MORN1: variants seen among roughly 807,000 people sequenced by gnomAD.
The protein encoded by MORN1 is MORN repeat containing 1, also known as MORN repeat-containing protein 1.
Under a neutral mutation model 61.9 loss-of-function variants are expected in MORN1, and 67 were observed. That is an observed-to-expected ratio of 1.08 (90% CI 0.89 to 1.33). The LOEUF (loss-of-function observed/expected upper bound fraction) is 1.33, where lower values mean the gene tolerates loss of function less well. Among genes scored for constraint, MORN1 ranks in the 40% most tolerant of loss-of-function variants. MORN1 has a pLI of 0.00. For synonymous variants in MORN1, 301 were observed against 292.0 expected (o/e 1.03, Z -0.31); for missense variants, 752 against 691.2 (o/e 1.09, Z -0.99).
rs1641312721 is a variant in MORN1 at position 2,337,873 on chromosome 1, C to T, written c.1037-1023G>A. On this transcript the variant is annotated intron_variant, in intron 10 of 13. Coordinates refer to ENST00000378531, the MANE Select transcript of MORN1 (RefSeq NM_024848.3). This position sits in a 1 kb window ranked among gnomAD's most constrained non-coding sequence, Gnocchi z 5.7. ...TAGGGCCACAGATGAGTGTCCCCACCAGGCAGTGACACCATCAAAAAAACA... is the reference window on the plus strand; with the variant it reads ...TAGGGCCACAGATGAGTGTCCCCACTAGGCAGTGACACCATCAAAAAAACA... Among the ~76,000 whole-genome samples, 1 of 152,162 alleles carries T rather than the reference C, an allele frequency of 6.6e-6. No individual in the cohort carries two copies. Among genetic ancestry groups the T allele is most frequent in the South Asian group, 2.1e-4 (1 of 4,830 alleles).
intron 10 of MORN1, among the ~76,000 whole-genome samples, chr1:2,339,504 C>G (rs546274943): frequency 9.8e-5 from 15 of 152,304 alleles, no homozygotes; most frequent in Non-Finnish European, 1.6e-4. Flanking sequence ...TGGGGGTCAG[C>G]CTCGTTGCCC....
intron 2 of MORN1, among the ~76,000 whole-genome samples, chr1:2,389,113 C>CAAA (rs549291051): frequency 8.8e-6 from 1 of 113,006 alleles, no homozygotes; most frequent in Non-Finnish European, 1.8e-5. Context: ...ACTCTGTCTC[C>CAAA]AAAAAAAAAA....
At chr1:2,332,477 A>T in intron 12 of MORN1, 1 of 384,364 alleles carries the variant, frequency 2.6e-6, no homozygotes, top group Non-Finnish European at 5.3e-6. Flanking sequence ...TGCTTCTCCC[A>T]TTGTCCCCCT....
chr1:2,340,667 C>T (rs370637716), intron 10 of MORN1, among the ~76,000 whole-genome samples: 7 of 152,234 alleles, frequency 4.6e-5, no homozygotes, highest in East Asian at 1.9e-4. Flanking sequence ...ACCGGCTCCA[C>T]GTGGCCAGAG....
chr1:2,331,812 C>CCGCTGCGCCTCTCCCTCGTGCGG (rs1557868413), intron 12 of MORN1, among the ~76,000 whole-genome samples: 1 of 149,942 alleles, frequency 6.7e-6, no homozygotes, highest in Non-Finnish European at 1.5e-5. Flanking sequence ...CGCGGCTGCG[C>CCGCTGCGCCTCTCCCTCGTGCGG]CTCTCCCGCC....
intron 6 of MORN1, among the ~76,000 whole-genome samples, chr1:2,383,900 CAGG>C (rs1219214119): frequency 6.6e-6 from 1 of 152,228 alleles, no homozygotes; most frequent in Non-Finnish European, 1.5e-5. Flanking sequence ...TCCCACCAGC[CAGG>C]AGCTCAGGCC....
intron 12 of MORN1, among the ~76,000 whole-genome samples, chr1:2,336,024 C>T (rs1196524557): frequency 6.6e-6 from 1 of 152,168 alleles, no homozygotes; most frequent in African/African-American, 2.4e-5. Context: ...ACAAACCCCC[C>T]ACGGTGTCCC....
At position 2,352,787 on chromosome 1, in the gene MORN1, C is replaced by T. The variant is rs141980884; in HGVS notation, c.1036+4645G>A. Reference sequence around the variant, plus strand: ...TTTTCTGGCCCAAGTTTCTTTCAGGCCTCATGTTGGATTATCTTCTGGCCT... The same window carrying T: ...TTTTCTGGCCCAAGTTTCTTTCAGGTCTCATGTTGGATTATCTTCTGGCCT... On this transcript the variant is annotated intron_variant, in intron 10 of 13. Coordinates refer to ENST00000378531, the MANE Select transcript of MORN1 (RefSeq NM_024848.3). The T allele has an allele frequency of 1.8e-4, 28 of 152,338 alleles. No individual in the cohort carries two copies. The East Asian group carries it at 3.1e-3, about 17-fold the overall frequency. 9.4% of individuals were successfully genotyped at this position (152,338 alleles called of 1,614,324 possible).
chr1:2,353,667 G>T (rs1226540638), intron 10 of MORN1, among the ~76,000 whole-genome samples: 1 of 152,240 alleles, frequency 6.6e-6, no homozygotes, highest in Non-Finnish European at 1.5e-5. Context: ...CCTCTGCAGG[G>T]CTCCTGGCCG....
At chr1:2,385,178 A>C in intron 5 of MORN1, 113 bp from the exon 6 acceptor site, 6 of 1,097,710 alleles carry the variant, frequency 5.5e-6, no homozygotes, top group Non-Finnish European at 7.9e-6. Context: ...CGAGGCAAAA[A>C]TAGGCCCGAG....
At chr1:2,368,384 T>G (rs536242119) in intron 8 of MORN1, among the ~76,000 whole-genome samples, 1 of 152,224 alleles carries the variant, frequency 6.6e-6, no homozygotes, top group African/African-American at 2.4e-5. Context: ...CACTTTTAAC[T>G]GCGTGCAGAT....
In MORN1 at chr1:2,331,822, C is replaced by G. The variant is rs9793021; in HGVS notation, c.1250+4647G>C. 3.2e-4 allele frequency among the ~76,000 whole-genome samples: 48 copies of G among 150,486 alleles called. No homozygotes were observed. The South Asian group carries it at 3.8e-3, about 12-fold the overall frequency. On this transcript the variant is annotated intron_variant, in intron 12 of 13. Coordinates refer to ENST00000378531, the MANE Select transcript of MORN1 (RefSeq NM_024848.3). ...TCTCCCGCGGCTGCGCCTCTCCCGC[C>G]GCTGCGCCTCTCCCTCGTGCGGCTC... is the stretch of plus-strand genomic sequence containing the variant.
chr1:2,321,900 G>T, intron 13 of MORN1: 1 of 576,964 alleles, frequency 1.7e-6, no homozygotes, highest in Non-Finnish European at 2.2e-6. Flanking sequence ...CATGGTGGCC[G>T]CTCTCAAGCC....
intron 10 of MORN1, among the ~76,000 whole-genome samples, chr1:2,340,883 G>A (rs902882822): frequency 2.6e-5 from 4 of 152,136 alleles, no homozygotes; most frequent in Non-Finnish European, 4.4e-5. Flanking sequence ...ACCTGTGGCC[G>A]CCACACAGAC....
intron 10 of MORN1, among the ~76,000 whole-genome samples, chr1:2,348,607 G>T (rs562041277): frequency 6.9e-6 from 1 of 145,168 alleles, no homozygotes; most frequent in African/African-American, 2.4e-5. Flanking sequence ...GCACATACGT[G>T]CACCTAGGCA....
chr1:2,322,740 T>C (rs1640910288), intron 13 of MORN1: 1 of 985,322 alleles, frequency 1.0e-6, no homozygotes, highest in Non-Finnish European at 1.2e-6. Context: ...GGAATCCAGC[T>C]ATACCAGTGG....
chr1:2,388,255 C>A lies in MORN1; in HGVS notation c.231G>T (p.Arg77=). 1.9e-6 allele frequency: 3 copies of A among 1,613,736 alleles called. No homozygotes were observed. Among genetic ancestry groups the A allele is most frequent in the Non-Finnish European group, 2.5e-6 (3 of 1,179,906 alleles). The change falls in exon 3 of 14, where the codon CGG becomes CGT. Residue 77 remains arginine, a synonymous_variant. Coordinates refer to ENST00000378531, the MANE Select transcript of MORN1 (RefSeq NM_024848.3). ...AGAGCTCACCTGACCAGGCCCAGTG[C>A]CGGCGGCCTTCTCCCGTGATCTCTC... ...VDGEITGEGR[R]HWAWSGDTFS...
chr1:2,327,239 C>CAAACACAGAG (rs1641050653), intron 12 of MORN1, among the ~76,000 whole-genome samples: 2 of 57,180 alleles, frequency 3.5e-5, no homozygotes, highest in Non-Finnish European at 9.2e-5. Context: ...GACACAGAAA[C>CAAACACAGAG]ACACAGAAAC....
At chr1:2,368,023 A>C (rs184662318) in intron 8 of MORN1, among the ~76,000 whole-genome samples, 2 of 152,214 alleles carry the variant, frequency 1.3e-5, no homozygotes, top group African/African-American at 4.8e-5. Flanking sequence ...AAAAGCAACA[A>C]AAAGAAAAAG....
Sources: allele counts gnomAD v4.1 joint callset (sites outside exome capture counted in the v4.1 genomes callset), GRCh38; gene constraint gnomAD v4.1.1; non-coding constraint Gnocchi (gnomAD v3.1); transcripts MANE v1.5; gene names NCBI Gene and HGNC (gene_info 2026-07-23, HGNC 2026-07-21).